Variants in GRIK2 observed in about 807,000 individuals in gnomAD.
GRIK2 encodes the protein glutamate ionotropic receptor kainate type subunit 2, also known as glutamate receptor ionotropic, kainate 2.
Under a neutral mutation model 100.3 loss-of-function variants are expected in GRIK2, and 32 were observed. The observed-to-expected ratio is 0.32, with a 90% CI of 0.24 to 0.43. GRIK2 has a LOEUF of 0.43. Among genes scored for constraint, GRIK2 ranks in the 20% least tolerant of loss-of-function variants. The pLI is 1.00. For missense variants in GRIK2, 843 were observed against 1,114.9 expected, an observed-to-expected ratio of 0.76 and a Z score of 3.47; for synonymous variants, 417 against 389.4, an observed-to-expected ratio of 1.07 and a Z score of -0.83.
chr6:101,421,526 A>G (rs985834959), intron 2 of GRIK2, among the ~76,000 whole-genome samples: 50 of 152,304 alleles, frequency 3.3e-4, no homozygotes, highest in African/African-American at 1.1e-3. Flanking sequence ...AGAAAGGGAG[A>G]CATTCCTAAT....
chr6:101,647,889 A>T (rs1370022001), intron 4 of GRIK2, among the ~76,000 whole-genome samples: 1 of 152,002 alleles, frequency 6.6e-6, no homozygotes, highest in Non-Finnish European at 1.5e-5. Context: ...TCAAATATTC[A>T]TGGCTTAGGC....
chr6:102,055,813 A>T (rs1439832892), intron 16 of GRIK2, among the ~76,000 whole-genome samples: 1 of 152,078 alleles, frequency 6.6e-6, no homozygotes, highest in East Asian at 1.9e-4. Context: ...AATTGTAGCC[A>T]GCTTCAGGAA....
intron 7 of GRIK2, among the ~76,000 whole-genome samples, chr6:101,762,341 A>T (rs963443567): frequency 1.3e-5 from 2 of 151,806 alleles, no homozygotes; most frequent in Non-Finnish European, 2.9e-5. Context: ...AGCCTGGCTA[A>T]TTTTTTTATT....
chr6:101,576,144 T>C (rs557846314), intron 2 of GRIK2, among the ~76,000 whole-genome samples: 1 of 152,170 alleles, frequency 6.6e-6, no homozygotes, highest in South Asian at 2.1e-4. Flanking sequence ...TCTTTTAGTA[T>C]ATCAAATTTC....
chr6:101,592,435 G>C (rs544453797), intron 2 of GRIK2, among the ~76,000 whole-genome samples: 1 of 150,564 alleles, frequency 6.6e-6, no homozygotes, highest in East Asian at 2.0e-4. Context: ...TATTAGATGT[G>C]AGTTACCTAG....
At chr6:102,001,336 C>T (rs1273715123) in intron 14 of GRIK2, among the ~76,000 whole-genome samples, 1 of 151,920 alleles carries the variant, frequency 6.6e-6, no homozygotes, top group Non-Finnish European at 1.5e-5. Context: ...AGGTATTTGT[C>T]CCAATGCTCT....
At chr6:101,715,361 A>G (rs1773992716) in intron 7 of GRIK2, among the ~76,000 whole-genome samples, 1 of 151,758 alleles carries the variant, frequency 6.6e-6, no homozygotes, top group Non-Finnish European at 1.5e-5. Flanking sequence ...GAACTGAAGC[A>G]AGTCAAAGAG....
At chr6:102,010,468 C>T (rs1427125029) in intron 14 of GRIK2, among the ~76,000 whole-genome samples, 1 of 151,980 alleles carries the variant, frequency 6.6e-6, no homozygotes, top group African/African-American at 2.4e-5. Context: ...ACTGCAACCT[C>T]CGCCTCCTGA....
chr6:102,006,974 T>A (rs1366201553), intron 14 of GRIK2, among the ~76,000 whole-genome samples: 1 of 152,162 alleles, frequency 6.6e-6, no homozygotes, highest in African/African-American at 2.4e-5. Flanking sequence ...CCCTTTTCAG[T>A]AATTTAGAAA....
chr6:101,783,026 T>A (rs1206781245), intron 7 of GRIK2, among the ~76,000 whole-genome samples: 1 of 151,752 alleles, frequency 6.6e-6, no homozygotes, highest in Non-Finnish European at 1.5e-5. Context: ...CCGGCTAATT[T>A]TTTTTGTATT....
chr6:101,497,994 T>C (rs1410588702), intron 2 of GRIK2, among the ~76,000 whole-genome samples: 1 of 149,336 alleles, frequency 6.7e-6, no homozygotes, highest in Non-Finnish European at 1.5e-5. Flanking sequence ...ATTAGGTATA[T>C]CTCCTAATAC....
Position 101,799,684 on chromosome 6 carries a change from G to T in GRIK2, c.988G>T (p.Val330Leu), listed in dbSNP as rs1380365471. The change falls in exon 8 of 17, where the codon GTG (valine) becomes TTG (leucine). Residue 330 changes from valine to leucine, a missense_variant. Val to Leu is a conservative substitution (Grantham distance 32). Around this residue, in one of 3 missense-constraint regions of GRIK2, gnomAD observed 519 missense variants for 643.8 expected, o/e 0.81. Transcript: ENST00000369134. ...TCTAATGTATGATGCTGTGCATGTG[G>T]TGTCTGTGGCCGTTCAACAGTTTCC... is the stretch of plus-strand genomic sequence containing the variant. ...AALMYDAVHV[V>L]SVAVQQFPQM... is the part of the protein sequence containing the mutation. 1 of 1,613,006 alleles carries T rather than the reference G, an allele frequency of 6.2e-7. No homozygotes were observed. The highest frequency in any genetic ancestry group is 8.5e-7 in the Non-Finnish European group (1 of 1,179,122).
At chr6:102,035,708 C>A in intron 15 of GRIK2, 142 bp downstream of exon 15, 1 of 569,986 alleles carries the variant, frequency 1.8e-6, no homozygotes, top group Non-Finnish European at 3.2e-6. Flanking sequence ...TGTATAAAAG[C>A]AGGTTATCAT....
chr6:101,565,648 T>C (rs1274162028), intron 2 of GRIK2, among the ~76,000 whole-genome samples: 1 of 151,840 alleles, frequency 6.6e-6, no homozygotes, highest in Non-Finnish European at 1.5e-5. Context: ...TATTTACTAC[T>C]TTATTTTAGG....
intron 14 of GRIK2, among the ~76,000 whole-genome samples, chr6:101,938,687 T>A (rs1415733554): frequency 6.6e-6 from 1 of 152,090 alleles, no homozygotes. Flanking sequence ...ACTCTCCAGA[T>A]GACTGAATGT....
intron 11 of GRIK2, among the ~76,000 whole-genome samples, chr6:101,888,553 G>T (rs998005529): frequency 3.9e-5 from 6 of 152,034 alleles, no homozygotes; most frequent in African/African-American, 1.4e-4. Flanking sequence ...TTTCTCCGTA[G>T]CCCCTCTCAA....
intron 14 of GRIK2, among the ~76,000 whole-genome samples, chr6:101,935,553 C>T (rs1790564350): frequency 6.6e-6 from 1 of 151,604 alleles, no homozygotes; most frequent in South Asian, 2.1e-4. Flanking sequence ...TTGTGTTTAC[C>T]TAATGGAGAC....
chr6:101,975,809 G>GTCTATCTC (rs1793336105), intron 14 of GRIK2, among the ~76,000 whole-genome samples: 1 of 147,408 alleles, frequency 6.8e-6, no homozygotes, highest in African/African-American at 2.5e-5. Flanking sequence ...CTATCTATCT[G>GTCTATCTC]TCTATCTATC....
intron 7 of GRIK2, among the ~76,000 whole-genome samples, chr6:101,723,725 C>T (rs1239926591): frequency 1.3e-5 from 2 of 151,916 alleles, no homozygotes; most frequent in Non-Finnish European, 2.9e-5. Context: ...AGGCTAATAG[C>T]ATCTATATAA....
Sources: allele counts gnomAD v4.1 joint callset (sites outside exome capture counted in the v4.1 genomes callset), GRCh38; gene constraint gnomAD v4.1.1; regional missense constraint gnomAD v4.1.1; transcripts MANE v1.5; gene names NCBI Gene and HGNC (gene_info 2026-07-23, HGNC 2026-07-21).